PCNX2: variants seen among roughly 807,000 people sequenced by gnomAD.
PCNX2 encodes pecanex-like protein 2.
Under a neutral mutation model 223.8 loss-of-function variants are expected in PCNX2, and 168 were observed. The observed-to-expected ratio is 0.75, with a 90% CI of 0.66 to 0.85. The LOEUF is 0.85. Ranked by LOEUF, PCNX2 falls within the 40% of genes least tolerant of loss-of-function variation. PCNX2 has a pLI of 0.00. For missense variants in PCNX2, 2,507 were observed against 2,675.5 expected (o/e 0.94, Z 1.39); for synonymous variants, 1,006 against 1,052.6 (o/e 0.96, Z 0.86).
intron 32 of PCNX2, among the ~76,000 whole-genome samples, chr1:232,995,709 T>C (rs1669851218): frequency 6.6e-6 from 1 of 152,164 alleles, no homozygotes; most frequent in African/African-American, 2.4e-5. Flanking sequence ...GATCCTGCTC[T>C]GACATCTTCC....
Position 233,095,774 on chromosome 1 carries a change from A to G in PCNX2, c.3927T>C (p.Ala1309=). Residue 1309 remains alanine, a synonymous_variant, in exon 22 of 34, where the codon GCT becomes GCC. Transcript: ENST00000258229. ...GGATACGAGGAATGGCAAAGAGCTG[A>G]GCAAACACGTGAAACGAAGAACCCC... The part of the protein sequence containing the change: ...MAWGSSFHVF[A]QLFAIPHSAM... The G allele has an allele frequency of 6.2e-7, 1 of 1,608,424 alleles. No homozygotes were observed. Among genetic ancestry groups the G allele is most frequent in the Non-Finnish European group, 8.5e-7 (1 of 1,176,274 alleles).
At chr1:233,199,451 A>G (rs1361606583) in intron 14 of PCNX2, among the ~76,000 whole-genome samples, 1 of 150,060 alleles carries the variant, frequency 6.7e-6, no homozygotes, top group Non-Finnish European at 1.5e-5. Flanking sequence ...TATGTAGTGT[A>G]TGTGTGTGTG....
At chr1:233,004,741 G>A (rs1459052922) in intron 28 of PCNX2, among the ~76,000 whole-genome samples, 2 of 152,202 alleles carry the variant, frequency 1.3e-5, no homozygotes, top group Non-Finnish European at 2.9e-5. Context: ...TCCACTGATT[G>A]CTATTTTAGC....
rs566893029 is a variant in PCNX2, at chr1:233,034,520, C to T, written c.4352-9121G>A. On this transcript the variant is annotated intron_variant, in intron 25 of 33. Coordinates refer to ENST00000258229, the MANE Select transcript of PCNX2 (RefSeq NM_014801.4). ...GTTGATGCAGCAGTCTGAACTAAGA[C>T]AATTTATCTTCATCTAGTTTTGACA... is the stretch of plus-strand genomic sequence containing the variant. Among the ~76,000 whole-genome samples the T allele has an allele frequency of 3.7e-4, 57 of 152,286 alleles. 1 individual carries two copies. The highest frequency in any genetic ancestry group is 1.3e-3 in the African/African-American group (54 of 41,574).
chr1:232,993,586 G>A (rs998268330), intron 32 of PCNX2, among the ~76,000 whole-genome samples: 3 of 152,330 alleles, frequency 2.0e-5, no homozygotes, highest in Non-Finnish European at 2.9e-5. Context: ...TTTCTGGGGA[G>A]GAATTCAAGC....
intron 25 of PCNX2, among the ~76,000 whole-genome samples, chr1:233,042,930 CG>C (rs1204053444): frequency 2.6e-5 from 4 of 152,136 alleles, no homozygotes; most frequent in Non-Finnish European, 5.9e-5. Context: ...AAGGTGAAAT[CG>C]TGAGGTGGAA....
intron 21 of PCNX2, among the ~76,000 whole-genome samples, chr1:233,106,012 T>C (rs72763939): frequency 0.063 from 9,589 of 152,138 alleles, 345 homozygotes; most frequent in African/African-American, 0.091. Context: ...TAAGGATGTA[T>C]GGGGAGGTGG....
chr1:232,985,899 T>A, intron 33 of PCNX2, 193 bp downstream of exon 33: 2 of 662,498 alleles, frequency 3.0e-6, no homozygotes, highest in African/African-American at 1.8e-5. Context: ...CTGCTCTGTA[T>A]CTTGTCTGCT....
chr1:233,309,548 AT>A, the PCNX2 span, among the ~76,000 whole-genome samples: 2 of 149,688 alleles, frequency 1.3e-5, no homozygotes, highest in African/African-American at 2.5e-5. Flanking sequence ...CAAAAAAATA[AT>A]AATAATAATA....
At chr1:233,009,241 C>T (rs116006584) in intron 28 of PCNX2, among the ~76,000 whole-genome samples, 1,690 of 152,264 alleles carry the variant, frequency 0.011, 31 homozygotes, top group African/African-American at 0.028. Flanking sequence ...TAGTGGGCAC[C>T]GCTGTAAGTG....
chr1:233,274,500 A>T (rs1408659261), intron 1 of PCNX2, among the ~76,000 whole-genome samples: 2 of 152,218 alleles, frequency 1.3e-5, no homozygotes, highest in Non-Finnish European at 2.9e-5. Flanking sequence ...GAGACAAAAG[A>T]AACATAGTCC....
intron 32 of PCNX2, among the ~76,000 whole-genome samples, chr1:232,988,612 C>T (rs560596244): frequency 1.9e-3 from 287 of 152,260 alleles, no homozygotes; most frequent in African/African-American, 6.6e-3. Context: ...ATATAAATCA[C>T]CCTCCTTGGT....
chr1:233,019,278 T>A (rs534796907), intron 26 of PCNX2: 1 of 877,102 alleles, frequency 1.1e-6, no homozygotes, highest in Non-Finnish European at 1.4e-6. Context: ...ACAGTCTACC[T>A]GTCCCAAAAA....
At chr1:233,237,810 G>C (rs1403290933) in intron 8 of PCNX2, among the ~76,000 whole-genome samples, 1 of 152,098 alleles carries the variant, frequency 6.6e-6, no homozygotes. Context: ...TAGCCCCAGG[G>C]AAAAATCCTG....
chr1:233,093,155 A>T (rs149945463), intron 22 of PCNX2, among the ~76,000 whole-genome samples: 2 of 152,230 alleles, frequency 1.3e-5, no homozygotes, highest in Admixed American at 1.3e-4. Context: ...AGAAGGATGC[A>T]CCAAGTAGAA....
At chr1:233,301,904 G>A in the PCNX2 span, among the ~76,000 whole-genome samples, 1 of 148,660 alleles carries the variant, frequency 6.7e-6, no homozygotes, top group Non-Finnish European at 1.5e-5. Context: ...TGATTCTCAT[G>A]CCTCAGCCTC....
intron 17 of PCNX2, among the ~76,000 whole-genome samples, chr1:233,172,861 C>T (rs12032693): frequency 0.059 from 8,915 of 152,058 alleles, 520 homozygotes; most frequent in East Asian, 0.31. Flanking sequence ...TGAAAAAGTC[C>T]CACGTGACTT....
chr1:233,270,229 T>G (rs1389857120), intron 1 of PCNX2, among the ~76,000 whole-genome samples: 1 of 152,230 alleles, frequency 6.6e-6, no homozygotes, highest in African/African-American at 2.4e-5. Flanking sequence ...ATCATTTCTT[T>G]GCGTTTATAT....
At chr1:233,191,055 A>G (rs1328037037) in intron 15 of PCNX2, among the ~76,000 whole-genome samples, 1 of 152,214 alleles carries the variant, frequency 6.6e-6, no homozygotes, top group Non-Finnish European at 1.5e-5. Flanking sequence ...AAAACCCAAG[A>G]TACTCTATTT....
Sources: allele counts gnomAD v4.1 joint callset (sites outside exome capture counted in the v4.1 genomes callset), GRCh38; gene constraint gnomAD v4.1.1; transcripts MANE v1.5; gene names NCBI Gene and HGNC (gene_info 2026-07-23, HGNC 2026-07-21).